PSAP: variants seen among roughly 807,000 people sequenced by gnomAD.
PSAP encodes the protein precursor of saposins.
A neutral mutation model predicts 66.0 loss-of-function variants in PSAP; 25 were observed. That is an observed-to-expected ratio of 0.38 (90% CI 0.28 to 0.53). The LOEUF (loss-of-function observed/expected upper bound fraction) is 0.53, where lower values mean the gene tolerates loss of function less well. PSAP is among the 20% of genes least tolerant of loss of function. The pLI is 0.83. For missense variants in PSAP, 649 were observed against 668.8 expected (o/e 0.97, Z 0.33); for synonymous variants, 273 against 258.9 (o/e 1.05, Z -0.52).
intron 1 of PSAP, among the ~76,000 whole-genome samples, chr10:71,848,876 A>G (rs1453091895): frequency 1.3e-5 from 2 of 152,264 alleles, no homozygotes; most frequent in African/African-American, 4.8e-5. Context: ...GTAGGACAGC[A>G]AAGTTAAACC....
intron 1 of PSAP, among the ~76,000 whole-genome samples, chr10:71,837,378 T>G (rs1842645717): frequency 2.6e-5 from 4 of 152,208 alleles, no homozygotes; most frequent in African/African-American, 9.6e-5. Flanking sequence ...CCAGAGCAGA[T>G]CTCCTAAGAG....
rs1842265229 is a variant in PSAP, at chr10:71,819,990, A to C, written c.1006-90T>G. ...AAAATACTAACATGGCCAGGAAATG[A>C]GTCAATGGTGGGTGCCGTTTCCACC... On this transcript the variant is annotated intron_variant, in intron 9 of 13. Coordinates refer to ENST00000394936, the MANE Select transcript of PSAP (RefSeq NM_002778.4). 6 of 1,200,298 alleles carry C rather than the reference A, an allele frequency of 5.0e-6. No homozygotes were observed. In the Admixed American group the frequency reaches 1.2e-4, roughly 23 times the overall value. The allele number at this position is 1,200,298 out of a possible 1,614,324, so 74.4% of individuals were successfully genotyped here.
At chr10:71,840,054 T>C (rs1842706012) in intron 1 of PSAP, among the ~76,000 whole-genome samples, 1 of 152,144 alleles carries the variant, frequency 6.6e-6, no homozygotes. Context: ...GAAGCAATCT[T>C]AAAATGACAG....
At chr10:71,829,411 G>A (rs183999555) in intron 4 of PSAP, among the ~76,000 whole-genome samples, 4 of 152,244 alleles carry the variant, frequency 2.6e-5, no homozygotes, top group Admixed American at 6.5e-5. Context: ...AATCACGGGG[G>A]CGGGTTTTCC....
chr10:71,843,038 C>G (rs376631361), intron 1 of PSAP, among the ~76,000 whole-genome samples: 2 of 152,068 alleles, frequency 1.3e-5, no homozygotes, highest in South Asian at 2.1e-4. Context: ...ACACAGCAAG[C>G]GATCAAGACA....
At chr10:71,831,367 G>T in intron 3 of PSAP, 116 bp from the exon 4 acceptor site, 1 of 1,376,006 alleles carries the variant, frequency 7.3e-7, no homozygotes, top group Non-Finnish European at 1.0e-6. Context: ...AAAACAGCCA[G>T]CCCTCAGGGA....
intron 1 of PSAP, among the ~76,000 whole-genome samples, chr10:71,850,487 GTATT>G (rs2133074201): frequency 6.6e-6 from 1 of 151,258 alleles, no homozygotes; most frequent in East Asian, 2.0e-4. Context: ...TTTCTTAAAT[GTATT>G]TGATTGATGT....
intron 7 of PSAP, among the ~76,000 whole-genome samples, chr10:71,825,123 G>A (rs1842376951): frequency 6.6e-6 from 1 of 152,152 alleles, no homozygotes; most frequent in Non-Finnish European, 1.5e-5. Context: ...TACAAAACAT[G>A]ATGGGCCAGT....
chr10:71,831,154 A>G lies in PSAP; in HGVS notation c.347T>C (p.Val116Ala), dbSNP rs768791104. 6.8e-6 allele frequency: 11 copies of G among 1,614,004 alleles called. No individual in the cohort carries two copies. ...TTCTCCTTTAATGATGTCCAGGATG[A>G]CAGGGAGGTAGGAGTCCACTATCTC... is the stretch of plus-strand genomic sequence containing the variant. ...CKEIVDSYLPVILDIIKGEMS... is the reference protein window; with the variant it reads ...CKEIVDSYLPAILDIIKGEMS... Residue 116 changes from valine (V) to alanine (A), a missense_variant, in exon 4 of 14, where the codon GTC becomes GCC. Physicochemically the swap from Val to Ala is moderately conservative, Grantham distance 64. Transcript: ENST00000394936.
intron 1 of PSAP, among the ~76,000 whole-genome samples, chr10:71,835,712 A>G (rs16913438): frequency 0.043 from 6,474 of 152,008 alleles, 459 homozygotes; most frequent in African/African-American, 0.15. Context: ...AAGAGATTAC[A>G]TCGGACTACA....
At chr10:71,842,376 A>AAT (rs761370766) in intron 1 of PSAP, among the ~76,000 whole-genome samples, 64 of 152,324 alleles carry the variant, frequency 4.2e-4, no homozygotes, top group Non-Finnish European at 5.3e-4. Context: ...ACATACAATA[A>AAT]ATATATATAT....
At chr10:71,848,460 A>G (rs1842863692) in intron 1 of PSAP, among the ~76,000 whole-genome samples, 1 of 152,162 alleles carries the variant, frequency 6.6e-6, no homozygotes. Context: ...CCAGGTCTTC[A>G]TTCCTTACAA....
At chr10:71,822,286 T>C (rs192396739) in intron 7 of PSAP, 697 of 491,164 alleles carry the variant, frequency 1.4e-3, no homozygotes, top group Non-Finnish European at 2.3e-3. Context: ...CGAGGGAGAC[T>C]CCCCAGCACC....
intron 1 of PSAP, among the ~76,000 whole-genome samples, chr10:71,841,080 G>C (rs1842725501): frequency 1.3e-5 from 2 of 152,312 alleles, no homozygotes; most frequent in South Asian, 2.1e-4. Context: ...CCCTTGGCAG[G>C]ACTATCCAGA....
chr10:71,822,893 G>A (rs778672451), intron 7 of PSAP, among the ~76,000 whole-genome samples: 3 of 151,956 alleles, frequency 2.0e-5, no homozygotes, highest in East Asian at 1.9e-4. Flanking sequence ...TAATAAGACC[G>A]GGGGAGTCTG....
At chr10:71,825,222 C>T (rs1420013314) in intron 7 of PSAP, among the ~76,000 whole-genome samples, 1 of 152,148 alleles carries the variant, frequency 6.6e-6, no homozygotes, top group African/African-American at 2.4e-5. Flanking sequence ...GAAAAGGTGC[C>T]CCCCACCCAC....
intron 8 of PSAP, among the ~76,000 whole-genome samples, chr10:71,821,496 C>T (rs1487102515): frequency 6.6e-6 from 1 of 152,188 alleles, no homozygotes; most frequent in Non-Finnish European, 1.5e-5. Context: ...CTTCCGTACA[C>T]TCTGAGGGGT....
rs544300820 is a variant in PSAP at position 71,819,894 on chromosome 10, T to C, written c.1012A>G (p.Ile338Val). Residue 338 changes from isoleucine (I) to valine (V), a missense_variant, in exon 10 of 14, where the codon ATA (isoleucine) becomes GTA (valine). Coordinates refer to ENST00000394936, the MANE Select transcript of PSAP (RefSeq NM_002778.4). The stretch of plus-strand genomic sequence containing the variant: ...CACATTTTGTCAAAAGCGTCGAGTA[T>C]TTCTTTCTGAAACACACGAGAGGAT... ...LIDNNKTEKE[I>V]LDAFDKMCSK... 75 of 1,613,982 alleles carry C rather than the reference T, an allele frequency of 4.6e-5. No individual in the cohort carries two copies. The South Asian group carries it at 7.8e-4, about 17-fold the overall frequency.
intron 1 of PSAP, among the ~76,000 whole-genome samples, chr10:71,846,601 T>C (rs1373542695): frequency 1.3e-5 from 2 of 151,850 alleles, no homozygotes; most frequent in African/African-American, 4.8e-5. Context: ...GGCAGGTGCC[T>C]GCAATCCCAG....
Sources: gnomAD v4.1 joint callset for allele counts (sites outside exome capture counted in the v4.1 genomes callset) on GRCh38, gnomAD v4.1.1 for gene constraint, MANE v1.5 for transcripts, NCBI Gene and HGNC (gene_info 2026-07-23, HGNC 2026-07-21) for gene names.